The following OPCML variants were observed in gnomAD, a reference collection of about 807,000 sequenced individuals.
OPCML encodes the protein opioid binding protein/cell adhesion molecule like.
A neutral mutation model predicts 37.8 loss-of-function variants in OPCML; 13 were observed. The ratio of observed to expected loss-of-function variants is 0.34; its 90% CI spans 0.22 to 0.55. The LOEUF (loss-of-function observed/expected upper bound fraction) is 0.55, where lower values mean the gene tolerates loss of function less well. Among genes scored for constraint, OPCML ranks in the 20% least tolerant of loss-of-function variants. The pLI is 0.91. For synonymous variants in OPCML, 176 were observed against 168.8 expected, an observed-to-expected ratio of 1.04 and a Z score of -0.33; for missense variants, 341 against 435.6, an observed-to-expected ratio of 0.78 and a Z score of 1.93.
chr11:132,787,528 T>C (rs1947255324), intron 2 of OPCML, among the ~76,000 whole-genome samples: 1 of 151,996 alleles, frequency 6.6e-6, no homozygotes, highest in South Asian at 2.1e-4. Flanking sequence ...GCTTATTCAA[T>C]AGGATTATTG....
chr11:133,337,957 C>T (rs76750283), intron 1 of OPCML, among the ~76,000 whole-genome samples: 3,032 of 151,894 alleles, frequency 0.02, 110 homozygotes, highest in African/African-American at 0.068. Flanking sequence ...TTTCAGCTCC[C>T]GTGCCCAGCC....
At chr11:132,924,149 G>A (rs375348380) in intron 2 of OPCML, among the ~76,000 whole-genome samples, 1 of 149,950 alleles carries the variant, frequency 6.7e-6, no homozygotes, top group Non-Finnish European at 1.5e-5. Context: ...GTGTGTGTGT[G>A]TATGTGAAGA....
At chr11:132,708,158 T>C (rs1944111200) in intron 2 of OPCML, among the ~76,000 whole-genome samples, 1 of 152,202 alleles carries the variant, frequency 6.6e-6, no homozygotes, top group Non-Finnish European at 1.5e-5. Flanking sequence ...TGAATGAGTA[T>C]TTGTGTAAGA....
chr11:133,000,259 C>T (rs73588504), intron 1 of OPCML, among the ~76,000 whole-genome samples: 1,551 of 152,074 alleles, frequency 0.01, 19 homozygotes, highest in African/African-American at 0.035. Context: ...ATTACAGGCA[C>T]GCACCACCGC....
intron 1 of OPCML, among the ~76,000 whole-genome samples, chr11:133,027,718 T>C (rs1176404956): frequency 1.8e-5 from 1 of 56,012 alleles, no homozygotes; most frequent in African/African-American, 6.8e-5. Flanking sequence ...GTATGGTGTG[T>C]ATGCATATGT....
At chr11:133,346,900 A>G (rs1053420797) in intron 1 of OPCML, among the ~76,000 whole-genome samples, 2 of 152,056 alleles carry the variant, frequency 1.3e-5, no homozygotes, top group African/African-American at 4.8e-5. Flanking sequence ...TTTTGATTTG[A>G]TGCGGATCTT....
chr11:132,577,681 A>G (rs1185752159), intron 3 of OPCML, among the ~76,000 whole-genome samples: 1 of 152,236 alleles, frequency 6.6e-6, no homozygotes, highest in East Asian at 1.9e-4. Context: ...CTCTAGCTAG[A>G]TAACTGCCTA....
intron 2 of OPCML, among the ~76,000 whole-genome samples, chr11:132,660,015 T>C (rs1941890479): frequency 6.6e-6 from 1 of 152,228 alleles, no homozygotes; most frequent in South Asian, 2.1e-4. Context: ...CAATAATATA[T>C]TTCTTAAATG....
At chr11:133,247,463 T>G (rs1345068143) in intron 1 of OPCML, among the ~76,000 whole-genome samples, 1 of 152,208 alleles carries the variant, frequency 6.6e-6, no homozygotes, top group Non-Finnish European at 1.5e-5. Context: ...AATAATTACA[T>G]AAATATACAG....
At chr11:133,243,929 T>A (rs1940822591) in intron 1 of OPCML, among the ~76,000 whole-genome samples, 1 of 152,214 alleles carries the variant, frequency 6.6e-6, no homozygotes, top group African/African-American at 2.4e-5. Flanking sequence ...GGAGCTGCAA[T>A]GTGTGCACAC....
chr11:133,304,287 T>C (rs73600475), intron 1 of OPCML, among the ~76,000 whole-genome samples: 7,393 of 152,298 alleles, frequency 0.049, 205 homozygotes, highest in Middle Eastern at 0.071. Flanking sequence ...ATGCAAGGTA[T>C]CTGAATAATC....
At chr11:132,580,258 T>A (rs959382950) in intron 3 of OPCML, among the ~76,000 whole-genome samples, 2 of 152,192 alleles carry the variant, frequency 1.3e-5, no homozygotes, top group Non-Finnish European at 2.9e-5. Flanking sequence ...TAGGGAGACA[T>A]ATTGGTAAAT....
At chr11:133,282,595 G>C (rs1247730060) in intron 1 of OPCML, among the ~76,000 whole-genome samples, 1 of 152,214 alleles carries the variant, frequency 6.6e-6, no homozygotes, top group African/African-American at 2.4e-5. Context: ...CCCCCATGCA[G>C]TTTCCACCAG....
At chr11:133,295,330 G>T (rs905525464) in intron 1 of OPCML, among the ~76,000 whole-genome samples, 7 of 152,074 alleles carry the variant, frequency 4.6e-5, no homozygotes, top group African/African-American at 1.7e-4. Flanking sequence ...GTAAAACTAG[G>T]CATTCCAGGA....
chr11:133,021,671 G>A (rs944450617), intron 1 of OPCML, among the ~76,000 whole-genome samples: 2 of 17,820 alleles, frequency 1.1e-4, no homozygotes, highest in African/African-American at 1.6e-3. Flanking sequence ...TTCTAATCTT[G>A]TCCCAGCATT....
At chr11:132,627,761 G>T (rs1271135088) in intron 3 of OPCML, among the ~76,000 whole-genome samples, 3 of 152,192 alleles carry the variant, frequency 2.0e-5, no homozygotes, top group Non-Finnish European at 4.4e-5. Flanking sequence ...GAAAATAACA[G>T]ATTTGCCCTC....
intron 1 of OPCML, among the ~76,000 whole-genome samples, chr11:133,114,330 C>T (rs992873883): frequency 6.6e-6 from 1 of 152,172 alleles, no homozygotes; most frequent in Non-Finnish European, 1.5e-5. Flanking sequence ...TCTGGCCAAA[C>T]TTTTGGGGTC....
chr11:133,369,761 G>T (rs1375918333), intron 1 of OPCML, among the ~76,000 whole-genome samples: 1 of 151,900 alleles, frequency 6.6e-6, no homozygotes, highest in Non-Finnish European at 1.5e-5. Flanking sequence ...AATTTCTTAA[G>T]CTTTCTAGTA....
intron 1 of OPCML, among the ~76,000 whole-genome samples, chr11:133,189,690 T>C (rs1190409266): frequency 1.3e-5 from 2 of 152,182 alleles, no homozygotes; most frequent in African/African-American, 2.4e-5. Context: ...AATCATTGTA[T>C]CTGCTGGCCA....
Sources: gnomAD v4.1 joint callset for allele counts (sites outside exome capture counted in the v4.1 genomes callset) on GRCh38, gnomAD v4.1.1 for gene constraint, MANE v1.5 for transcripts, NCBI Gene and HGNC (gene_info 2026-07-23, HGNC 2026-07-21) for gene names.